Variants in MSH3 observed in about 807,000 individuals in gnomAD.
MSH3 encodes the protein mutS homolog 3, also known as DNA mismatch repair protein Msh3.
In MSH3, 106 loss-of-function variants were observed where a neutral mutation model predicts 123.3. The ratio of observed to expected loss-of-function variants is 0.86; its 90% confidence interval spans 0.73 to 1.01. The LOEUF (loss-of-function observed/expected upper bound fraction) is 1.01. Among genes scored for constraint, MSH3 ranks in the 50% least tolerant of loss-of-function variants. MSH3 has a pLI of 0.00. For missense variants in MSH3, 1,459 were observed against 1,347.6 expected (o/e 1.08, Z -1.29); for synonymous variants, 515 against 481.4 (o/e 1.07, Z -0.91).
chr5:80,821,504 T>G (rs1303783502), intron 20 of MSH3, among the ~76,000 whole-genome samples: 1 of 152,212 alleles, frequency 6.6e-6, no homozygotes, highest in Non-Finnish European at 1.5e-5. Context: ...TATTTCAAAA[T>G]TGACCACAAC....
chr5:80,660,421 C>G (rs1749407717), intron 2 of MSH3, among the ~76,000 whole-genome samples: 1 of 152,124 alleles, frequency 6.6e-6, no homozygotes, highest in Non-Finnish European at 1.5e-5. Context: ...ACTGGGTTAC[C>G]TCTCACTGGG....
intron 22 of MSH3, among the ~76,000 whole-genome samples, chr5:80,869,361 G>A (rs1025878750): frequency 1.3e-5 from 2 of 152,178 alleles, no homozygotes; most frequent in Non-Finnish European, 2.9e-5. Context: ...TAGCTTGTAA[G>A]TAGTTACATC....
rs755017868 is a variant in MSH3, at chr5:80,654,904, G to GCCC, written c.177_178insCCC (p.Ala59_Ala60insPro). On this transcript the variant is annotated inframe_insertion, in exon 1 of 24. Transcript: ENST00000265081. ...CTGCAGCGGCTGCAGCGGCCGCAGC[G>GCCC]GCCGCAGCGCCCCCAGCGCCCCCAG... 1.0e-4 allele frequency: 157 copies of GCCC among 1,537,958 alleles called. 1 individual carries two copies. Among genetic ancestry groups the GCCC allele is most frequent in the Middle Eastern group, 1.7e-4 (1 of 5,836 alleles).
intron 20 of MSH3, among the ~76,000 whole-genome samples, chr5:80,838,724 T>TCCTTTTTCAATGAG (rs1745561691): frequency 6.6e-6 from 1 of 152,148 alleles, no homozygotes; most frequent in Non-Finnish European, 1.5e-5. Flanking sequence ...ACAAGGAAGC[T>TCCTTTTTCAATGAG]ACAACCACAT....
rs558713049 is a variant in MSH3, at chr5:80,673,893, C to A, written c.1027+1035C>A. Reference sequence around the variant, plus strand: ...AATTACTATGGGGGTGGAATCAGTTCTCTGATAATGGAAGAATGGAGAGAT... The same window carrying A: ...AATTACTATGGGGGTGGAATCAGTTATCTGATAATGGAAGAATGGAGAGAT... On this transcript the variant is annotated intron_variant, in intron 6 of 23. Transcript: ENST00000265081. 2.0e-5 allele frequency among the ~76,000 whole-genome samples: 3 copies of A among 152,206 alleles called. No individual in the cohort carries two copies. The East Asian group carries it at 5.8e-4, about 29-fold the overall frequency.
intron 17 of MSH3, among the ~76,000 whole-genome samples, chr5:80,787,272 T>G (rs1744525883): frequency 6.6e-6 from 1 of 152,276 alleles, no homozygotes; most frequent in Admixed American, 6.5e-5. Context: ...TTATGTTATA[T>G]CTTAAGTTCA....
intron 8 of MSH3, among the ~76,000 whole-genome samples, chr5:80,699,733 T>A (rs1200328122): frequency 1.3e-5 from 2 of 152,144 alleles, no homozygotes; most frequent in Admixed American, 1.3e-4. Flanking sequence ...CCCCATTATG[T>A]TTATTTCTTT....
At chr5:80,721,570 A>G (rs773247204) in intron 8 of MSH3, among the ~76,000 whole-genome samples, 6 of 152,084 alleles carry the variant, frequency 3.9e-5, no homozygotes, top group Non-Finnish European at 7.4e-5. Flanking sequence ...TTCTTCTCAC[A>G]TGGTTGCTGA....
chr5:80,775,993 G>A (rs1410419071), intron 16 of MSH3, among the ~76,000 whole-genome samples: 2 of 151,930 alleles, frequency 1.3e-5, no homozygotes, highest in Non-Finnish European at 2.9e-5. Context: ...TGATTCAAGG[G>A]ATTCTTGTGC....
intron 8 of MSH3, among the ~76,000 whole-genome samples, chr5:80,683,270 G>A (rs1160446140): frequency 2.6e-5 from 4 of 151,846 alleles, no homozygotes; most frequent in Non-Finnish European, 5.9e-5. Flanking sequence ...TAGTTTTTTG[G>A]TAGTTTTTTT....
chr5:80,705,801 T>C (rs1297820321), intron 8 of MSH3, among the ~76,000 whole-genome samples: 1 of 152,186 alleles, frequency 6.6e-6, no homozygotes, highest in Non-Finnish European at 1.5e-5. Flanking sequence ...TGTCTCTGTG[T>C]CCATGTTTTC....
intron 13 of MSH3, among the ~76,000 whole-genome samples, chr5:80,762,829 T>TGTTATGTTATGTTAC (rs1744064487): frequency 1.3e-5 from 2 of 148,226 alleles, no homozygotes; most frequent in Non-Finnish European, 3.0e-5. Flanking sequence ...TGTTATGTTA[T>TGTTATGTTATGTTAC]GTTATTTTAT....
At chr5:80,762,785 T>G (rs200000917) in intron 13 of MSH3, among the ~76,000 whole-genome samples, 70 of 94,452 alleles carry the variant, frequency 7.4e-4, no homozygotes, top group Middle Eastern at 5.7e-3. Context: ...AATTTTTTAT[T>G]TTATTTTATG....
intron 10 of MSH3, among the ~76,000 whole-genome samples, chr5:80,735,682 C>T (rs546608655): frequency 6.6e-6 from 1 of 152,154 alleles, no homozygotes; most frequent in African/African-American, 2.4e-5. Flanking sequence ...CAGAGCGAGA[C>T]TCCATCTCCA....
chr5:80,781,559 C>T (rs544155180), intron 17 of MSH3, among the ~76,000 whole-genome samples: 2 of 151,964 alleles, frequency 1.3e-5, no homozygotes, highest in East Asian at 1.9e-4. Context: ...TCTCTACCTC[C>T]CCAGCTCAAG....
chr5:80,761,725 G>A, intron 13 of MSH3, 47 bp downstream of exon 13: 2 of 1,605,850 alleles, frequency 1.2e-6, no homozygotes, highest in South Asian at 2.2e-5. Context: ...TCTTCAGCTT[G>A]AGGACACTAT....
chr5:80,841,544 C>A (rs1190894850), intron 20 of MSH3, among the ~76,000 whole-genome samples: 1 of 152,244 alleles, frequency 6.6e-6, no homozygotes, highest in African/African-American at 2.4e-5. Context: ...GTTTCTGTTT[C>A]TTCACATCCT....
chr5:80,819,837 G>A (rs1281410283), intron 20 of MSH3, among the ~76,000 whole-genome samples: 2 of 152,052 alleles, frequency 1.3e-5, no homozygotes, highest in African/African-American at 4.8e-5. Flanking sequence ...TATGCTAGAC[G>A]TTAGGGATAC....
At chr5:80,667,676 G>A (rs1267497526) in intron 3 of MSH3, among the ~76,000 whole-genome samples, 2 of 152,356 alleles carry the variant, frequency 1.3e-5, no homozygotes, top group Admixed American at 6.5e-5. Flanking sequence ...AGGTGCCAGC[G>A]TGAGTGAGGG....
Sources: allele counts gnomAD v4.1 joint callset (sites outside exome capture counted in the v4.1 genomes callset), GRCh38; gene constraint gnomAD v4.1.1; transcripts MANE v1.5; gene names NCBI Gene and HGNC (gene_info 2026-07-23, HGNC 2026-07-21).